The following PRKCA variants were observed in gnomAD, a reference collection of about 807,000 sequenced individuals.
The protein encoded by PRKCA is protein kinase C alpha type.
Under a neutral mutation model 87.0 loss-of-function variants are expected in PRKCA, and 27 were observed. That is an observed-to-expected ratio of 0.31 (90% CI 0.23 to 0.43). The LOEUF (loss-of-function observed/expected upper bound fraction) is 0.43. PRKCA is among the 20% of genes least tolerant of loss of function. PRKCA has a pLI of 1.00. For missense variants in PRKCA, 518 were observed against 852.3 expected, an observed-to-expected ratio of 0.61 and a Z score of 4.88; for synonymous variants, 329 against 311.1, an observed-to-expected ratio of 1.06 and a Z score of -0.61.
At chr17:66,568,597 T>C (rs1277831737) in intron 3 of PRKCA, among the ~76,000 whole-genome samples, 1 of 152,014 alleles carries the variant, frequency 6.6e-6, no homozygotes, top group Non-Finnish European at 1.5e-5. Flanking sequence ...GCTAATGAAG[T>C]AGGGATGTTT....
intron 13 of PRKCA, among the ~76,000 whole-genome samples, chr17:66,765,455 T>TATATATATA (rs1974790127): frequency 1.1e-4 from 11 of 97,778 alleles, no homozygotes; most frequent in African/African-American, 4.2e-4. Flanking sequence ...TATATATATA[T>TATATATATA]CCATATATAT....
chr17:66,478,446 G>T (rs529788780), intron 2 of PRKCA, among the ~76,000 whole-genome samples: 2 of 152,136 alleles, frequency 1.3e-5, no homozygotes, highest in South Asian at 4.2e-4. Context: ...TAGAGACGGG[G>T]TTTCACCATG....
At chr17:66,558,169 T>A (rs1968560478) in intron 3 of PRKCA, among the ~76,000 whole-genome samples, 1 of 152,256 alleles carries the variant, frequency 6.6e-6, no homozygotes, top group Admixed American at 6.5e-5. Context: ...GATGGTCGGT[T>A]TGATTGGTGG....
intron 3 of PRKCA, among the ~76,000 whole-genome samples, chr17:66,567,159 C>A (rs1968928820): frequency 6.6e-6 from 1 of 152,108 alleles, no homozygotes; most frequent in African/African-American, 2.4e-5. Context: ...ATATGGGGAA[C>A]TTGGTATAAT....
chr17:66,591,890 G>A (rs956222083), intron 3 of PRKCA, among the ~76,000 whole-genome samples: 11 of 152,128 alleles, frequency 7.2e-5, no homozygotes, highest in African/African-American at 2.7e-4. Flanking sequence ...AACCTTTGCT[G>A]AAGCCAGTTG....
chr17:66,670,737 CTG>C (rs1972157016), intron 5 of PRKCA, among the ~76,000 whole-genome samples: 1 of 151,920 alleles, frequency 6.6e-6, no homozygotes, highest in African/African-American at 2.4e-5. Flanking sequence ...TGGCGTGTGT[CTG>C]TAGTCCCAGC....
At chr17:66,469,797 G>A (rs1203468638) in intron 2 of PRKCA, among the ~76,000 whole-genome samples, 1 of 152,118 alleles carries the variant, frequency 6.6e-6, no homozygotes. Context: ...CCTAAGTGGG[G>A]GTATTTATGT....
At chr17:66,430,858 A>T (rs923212584) in intron 2 of PRKCA, among the ~76,000 whole-genome samples, 5 of 152,256 alleles carry the variant, frequency 3.3e-5, no homozygotes, top group African/African-American at 1.2e-4. Flanking sequence ...CTGTAGCTTG[A>T]TTACTGCTGA....
chr17:66,314,971 ATGTG>A (rs1567767687), intron 2 of PRKCA, among the ~76,000 whole-genome samples: 3 of 151,346 alleles, frequency 2.0e-5, no homozygotes, highest in Non-Finnish European at 4.4e-5. Flanking sequence ...GTGTGTATAT[ATGTG>A]TGTATGTATG....
intron 3 of PRKCA, among the ~76,000 whole-genome samples, chr17:66,579,239 G>A (rs760898643): frequency 7.9e-5 from 12 of 152,168 alleles, no homozygotes; most frequent in Admixed American, 3.9e-4. Context: ...TACCCTTTGT[G>A]ACAAGAGCTG....
intron 3 of PRKCA, among the ~76,000 whole-genome samples, chr17:66,587,779 G>A (rs1383095548): frequency 1.8e-5 from 2 of 113,164 alleles, no homozygotes; most frequent in Admixed American, 9.5e-5. Flanking sequence ...GTATATGTGT[G>A]TATATGTATA....
At chr17:66,549,788 T>C (rs1968270746) in intron 3 of PRKCA, among the ~76,000 whole-genome samples, 1 of 152,218 alleles carries the variant, frequency 6.6e-6, no homozygotes, top group Non-Finnish European at 1.5e-5. Flanking sequence ...TTGCCTCCTA[T>C]GTTGCTGTTC....
At chr17:66,420,147 G>T (rs1257308252) in intron 2 of PRKCA, among the ~76,000 whole-genome samples, 1 of 151,914 alleles carries the variant, frequency 6.6e-6, no homozygotes, top group East Asian at 1.9e-4. Flanking sequence ...AAGTAGCTGG[G>T]ACTGCAGAAG....
At chr17:66,631,294 T>C (rs1007608485) in intron 3 of PRKCA, among the ~76,000 whole-genome samples, 17 of 152,106 alleles carry the variant, frequency 1.1e-4, no homozygotes, top group Non-Finnish European at 1.9e-4. Flanking sequence ...CGGTAAATAA[T>C]TTTTTTTAGG....
At chr17:66,648,339 G>A (rs763358215) in intron 5 of PRKCA, among the ~76,000 whole-genome samples, 1 of 152,188 alleles carries the variant, frequency 6.6e-6, no homozygotes, top group African/African-American at 2.4e-5. Context: ...CAGCTATTCA[G>A]TGCTTCCTCC....
chr17:66,706,918 A>G (rs1973207345), intron 8 of PRKCA, among the ~76,000 whole-genome samples: 1 of 152,180 alleles, frequency 6.6e-6, no homozygotes, highest in African/African-American at 2.4e-5. Context: ...TAATGGAATA[A>G]TAGGGTATTC....
chr17:66,656,910 C>G (rs1032775227), intron 5 of PRKCA, among the ~76,000 whole-genome samples: 11 of 152,228 alleles, frequency 7.2e-5, no homozygotes, highest in African/African-American at 2.6e-4. Context: ...CCAAGCTGCT[C>G]TGATATCTTA....
intron 2 of PRKCA, among the ~76,000 whole-genome samples, chr17:66,308,396 C>CTT (rs11393812): frequency 4.0e-5 from 6 of 151,090 alleles, no homozygotes; most frequent in African/African-American, 9.7e-5. Context: ...TGAGCTTGAA[C>CTT]TTTTTTTTTC....
At chr17:66,506,259 G>A (rs138262268) in intron 3 of PRKCA, among the ~76,000 whole-genome samples, 116 of 151,640 alleles carry the variant, frequency 7.6e-4, no homozygotes, top group Middle Eastern at 3.4e-3. Flanking sequence ...TCGTGCCACT[G>A]CATTGCAGTC....
Sources: allele counts gnomAD v4.1 joint callset (sites outside exome capture counted in the v4.1 genomes callset), GRCh38; gene constraint gnomAD v4.1.1; transcripts MANE v1.5; gene names NCBI Gene and HGNC (gene_info 2026-07-23, HGNC 2026-07-21).